Variants in CASR observed in about 807,000 individuals in gnomAD.
CASR encodes the protein extracellular calcium-sensing receptor.
Under a neutral mutation model 69.1 loss-of-function variants are expected in CASR, and 23 were observed. That is an observed-to-expected ratio of 0.33 (90% confidence interval 0.24 to 0.47). The LOEUF is 0.47. Ranked by LOEUF, CASR falls within the 20% of genes least tolerant of loss-of-function variation. CASR has a pLI of 1.00. For missense variants in CASR, 924 were observed against 1,356.1 expected (o/e 0.68, Z 5.00); for synonymous variants, 541 against 544.7 (o/e 0.99, Z 0.10).
In CASR at chr3:122,222,184, G is replaced by C. The variant is rs529167048; in HGVS notation, c.-242-31764G>C. 2.8e-4 allele frequency among the ~76,000 whole-genome samples: 42 copies of C among 152,310 alleles called. No homozygotes were observed. The Middle Eastern group carries it at 0.01, about 37-fold the overall frequency. ...ACTGGAAGAGGCCCTTTGCCCTTGG[G>C]AGGGTCCATTCCTAGCTGGGGGTAA... On this transcript the variant is annotated intron_variant, in intron 1 of 6. Transcript: ENST00000639785.
chr3:122,285,243 C>A lies in CASR; in HGVS notation c.*52C>A. The A allele has an allele frequency of 6.4e-7, 1 of 1,560,404 alleles. No homozygotes were observed. The highest frequency in any genetic ancestry group is 8.8e-7 in the Non-Finnish European group (1 of 1,133,294). On this transcript the variant is annotated 3_prime_UTR_variant, in exon 7 of 7. Coordinates refer to ENST00000639785, the MANE Select transcript of CASR (RefSeq NM_000388.4). ...AGAATGCAGAGAGGTTTCTTGGGGT[C>A]CCAGGGAAGAGGAATCGCCCCAGAC...
At chr3:122,188,449 G>A (rs2073807965) in intron 1 of CASR, among the ~76,000 whole-genome samples, 2 of 152,198 alleles carry the variant, frequency 1.3e-5, no homozygotes, top group Admixed American at 6.5e-5. Flanking sequence ...AACCAGGACT[G>A]GGGATCAGGA....
intron 1 of CASR, among the ~76,000 whole-genome samples, chr3:122,252,445 G>A (rs1385345866): frequency 5.9e-5 from 4 of 67,842 alleles, no homozygotes; most frequent in East Asian, 6.7e-4. Flanking sequence ...AAGAAAGAAA[G>A]AAAAAAAAGA....
chr3:122,248,246 G>T (rs545959333), intron 1 of CASR, among the ~76,000 whole-genome samples: 1 of 152,332 alleles, frequency 6.6e-6, no homozygotes, highest in Non-Finnish European at 1.5e-5. Context: ...TGGCAGGTAA[G>T]AGTCCCTAAT....
At chr3:122,241,167 AAGAAAT>A (rs1366439859) in intron 1 of CASR, among the ~76,000 whole-genome samples, 1 of 152,144 alleles carries the variant, frequency 6.6e-6, no homozygotes, top group East Asian at 1.9e-4. Context: ...AGTAGAAGAA[AAGAAAT>A]AATAAAGATC....
At chr3:122,247,901 A>G (rs138799384) in intron 1 of CASR, 123 of 152,400 alleles carry the variant, frequency 8.1e-4, no homozygotes, top group African/African-American at 2.5e-3. Context: ...GCTTTTTCCA[A>G]TGACTCACAA....
chr3:122,218,682 CT>C (rs1215706485), intron 1 of CASR, among the ~76,000 whole-genome samples: 7 of 152,120 alleles, frequency 4.6e-5, no homozygotes, highest in African/African-American at 1.7e-4. Context: ...CCCAGATGCT[CT>C]GCTAGGTACT....
chr3:122,203,145 T>C (rs2073974239), intron 1 of CASR, among the ~76,000 whole-genome samples: 1 of 152,180 alleles, frequency 6.6e-6, no homozygotes, highest in African/African-American at 2.4e-5. Flanking sequence ...CCACATAACT[T>C]ATAAGAATCA....
intron 1 of CASR, among the ~76,000 whole-genome samples, chr3:122,224,749 A>G (rs2074206286): frequency 1.3e-5 from 2 of 152,334 alleles, no homozygotes; most frequent in East Asian, 3.9e-4. Context: ...ATCCTAAGCA[A>G]AAAGAACAAA....
At chr3:122,252,344 G>GAAAGA (rs1553765605) in intron 1 of CASR, among the ~76,000 whole-genome samples, 1,272 of 48,214 alleles carry the variant, frequency 0.026, 84 homozygotes, top group Middle Eastern at 0.041. Flanking sequence ...GAGAAAGAAA[G>GAAAGA]AAGAAAGAAA....
chr3:122,224,195 A>G (rs1459254141), intron 1 of CASR, among the ~76,000 whole-genome samples: 1 of 152,216 alleles, frequency 6.6e-6, no homozygotes, highest in African/African-American at 2.4e-5. Flanking sequence ...TAGCCAGTGC[A>G]ATCAGGCAAG....
chr3:122,274,744 CA>C (rs1035752408), intron 4 of CASR, among the ~76,000 whole-genome samples: 27 of 151,242 alleles, frequency 1.8e-4, no homozygotes, highest in African/African-American at 5.8e-4. Flanking sequence ...TCTACAAAAC[CA>C]AAAAAAAATT....
intron 5 of CASR, among the ~76,000 whole-genome samples, chr3:122,277,733 C>T (rs1452930386): frequency 6.6e-6 from 1 of 152,170 alleles, no homozygotes; most frequent in Non-Finnish European, 1.5e-5. Flanking sequence ...GTTTATCTTT[C>T]ACCCCCATTA....
At position 122,211,308 on chromosome 3, in the gene CASR, A is replaced by G. The variant is rs565997829; in HGVS notation, c.-243+27496A>G. ...TCGTCAGAGTGAACAGACAACTTACAGAATGGGAGAAAACTTTTGCAATCT... is the reference window on the plus strand; with the variant it reads ...TCGTCAGAGTGAACAGACAACTTACGGAATGGGAGAAAACTTTTGCAATCT... On this transcript the variant is annotated intron_variant, in intron 1 of 6. Coordinates refer to ENST00000639785, the MANE Select transcript of CASR (RefSeq NM_000388.4). 4.6e-5 allele frequency among the ~76,000 whole-genome samples: 7 copies of G among 152,362 alleles called. No individual in the cohort carries two copies. The East Asian group carries it at 1.2e-3, about 25-fold the overall frequency.
intron 1 of CASR, among the ~76,000 whole-genome samples, chr3:122,198,909 G>C (rs555593074): frequency 2.0e-5 from 3 of 151,974 alleles, no homozygotes; most frequent in South Asian, 2.1e-4. Flanking sequence ...TTCAGCTTAA[G>C]AAAATTAATT....
chr3:122,229,446 T>C (rs541475941), intron 1 of CASR, among the ~76,000 whole-genome samples: 2 of 152,402 alleles, frequency 1.3e-5, no homozygotes, highest in South Asian at 4.1e-4. Flanking sequence ...AGATGACTTC[T>C]AATATCCTTT....
At chr3:122,256,319 C>T (rs192572326) in intron 2 of CASR, among the ~76,000 whole-genome samples, 3 of 152,142 alleles carry the variant, frequency 2.0e-5, no homozygotes, top group South Asian at 4.1e-4. Context: ...TTTTTAGGCA[C>T]CCACATATTA....
At chr3:122,252,419 AAGAAAG>A (rs1553765667) in intron 1 of CASR, among the ~76,000 whole-genome samples, 2 of 59,560 alleles carry the variant, frequency 3.4e-5, no homozygotes, top group South Asian at 5.0e-4. Context: ...AAAAGAAAGA[AAGAAAG>A]AAAGAAAGAA....
intron 1 of CASR, among the ~76,000 whole-genome samples, chr3:122,186,695 A>T (rs1489582857): frequency 6.6e-6 from 1 of 152,250 alleles, no homozygotes; most frequent in African/African-American, 2.4e-5. Context: ...TTGAGGGTGT[A>T]TACAGACTGA....
Sources: allele counts gnomAD v4.1 joint callset (sites outside exome capture counted in the v4.1 genomes callset), GRCh38; gene constraint gnomAD v4.1.1; transcripts MANE v1.5; gene names NCBI Gene and HGNC (gene_info 2026-07-23, HGNC 2026-07-21).